RBFOX1: variants seen among roughly 807,000 people sequenced by gnomAD.
RBFOX1 encodes the protein RNA binding protein fox-1 homolog 1.
In RBFOX1, 8 loss-of-function variants were observed where a neutral mutation model predicts 57.7. The observed-to-expected ratio is 0.14, with a 90% CI of 0.08 to 0.25. The LOEUF (loss-of-function observed/expected upper bound fraction) is 0.25. Ranked by LOEUF, RBFOX1 falls within the 10% of genes least tolerant of loss-of-function variation. The probability of loss-of-function intolerance (pLI) is 1.00; values close to 1 mark genes in which losing one functional copy is unlikely to be tolerated. For missense variants in RBFOX1, 611 were observed against 548.5 expected (o/e 1.11, Z -1.14); for synonymous variants, 326 against 222.4 (o/e 1.47, Z -4.15).
At chr16:6,930,396 G>C (rs1225129694) in intron 3 of RBFOX1, among the ~76,000 whole-genome samples, 2 of 152,028 alleles carry the variant, frequency 1.3e-5, no homozygotes, top group Non-Finnish European at 2.9e-5. Context: ...ACACCCATCA[G>C]GATGGCTATT....
chr16:5,880,224 A>G (rs1218554750), intron 4 of RBFOX1, among the ~76,000 whole-genome samples: 3 of 152,058 alleles, frequency 2.0e-5, no homozygotes, highest in African/African-American at 7.2e-5. Context: ...GGCTCAAACT[A>G]TTTGTCAATG....
intron 4 of RBFOX1, among the ~76,000 whole-genome samples, chr16:7,233,367 C>T (rs997390707): frequency 3.3e-5 from 5 of 152,170 alleles, no homozygotes; most frequent in African/African-American, 7.2e-5. Context: ...ATGTTATTCA[C>T]GTGCTTCCAA....
At chr16:7,266,322 C>G (rs1166255163) in intron 4 of RBFOX1, among the ~76,000 whole-genome samples, 5 of 152,100 alleles carry the variant, frequency 3.3e-5, no homozygotes, top group Admixed American at 6.6e-5. Context: ...CCCCCACGCT[C>G]TCGCCCTCTT....
chr16:6,882,198 C>T (rs986657491), intron 3 of RBFOX1, among the ~76,000 whole-genome samples: 5 of 152,054 alleles, frequency 3.3e-5, no homozygotes, highest in Admixed American at 2.6e-4. Flanking sequence ...CCCCTTTGGT[C>T]CAGCAACACT....
At chr16:5,755,769 T>G (rs953009380) in intron 3 of RBFOX1, among the ~76,000 whole-genome samples, 2 of 152,122 alleles carry the variant, frequency 1.3e-5, no homozygotes, top group African/African-American at 4.8e-5. Flanking sequence ...CAGCTAATTT[T>G]TTGTATTTAG....
chr16:7,316,230 T>G (rs1323341997), intron 4 of RBFOX1, among the ~76,000 whole-genome samples: 2 of 152,246 alleles, frequency 1.3e-5, no homozygotes, highest in Non-Finnish European at 2.9e-5. Flanking sequence ...AGGCAGCAGT[T>G]ACTATATTAC....
intron 3 of RBFOX1, among the ~76,000 whole-genome samples, chr16:7,050,511 C>G (rs147665005): frequency 6.6e-6 from 1 of 152,196 alleles, no homozygotes; most frequent in African/African-American, 2.4e-5. Flanking sequence ...CATGATCCAC[C>G]CGCCTTGGCC....
At chr16:5,626,132 G>A (rs1417618015) in intron 3 of RBFOX1, among the ~76,000 whole-genome samples, 1 of 151,718 alleles carries the variant, frequency 6.6e-6, no homozygotes, top group Non-Finnish European at 1.5e-5. Context: ...TGCCCGCCTC[G>A]GCCTCCCAAA....
chr16:7,123,055 G>C (rs1032833184), intron 4 of RBFOX1, among the ~76,000 whole-genome samples: 2 of 152,074 alleles, frequency 1.3e-5, no homozygotes, highest in African/African-American at 4.8e-5. Context: ...GTTGGGGGGA[G>C]GGTAGTTGCA....
exon 3 of RBFOX1, chr16:5,600,095 C>G (rs1178864360): frequency 1.4e-5 from 2 of 148,090 alleles, no homozygotes; most frequent in Non-Finnish European, 3.0e-5. Flanking sequence ...CGAGGCCATC[C>G]TGGATAACAT....
At chr16:5,434,742 A>G (rs1219702569) in intron 1 of RBFOX1, among the ~76,000 whole-genome samples, 1 of 152,142 alleles carries the variant, frequency 6.6e-6, no homozygotes, top group Non-Finnish European at 1.5e-5. Flanking sequence ...CTTATTTGCA[A>G]TACCTTGTCC....
intron 2 of RBFOX1, among the ~76,000 whole-genome samples, chr16:6,510,800 G>A (rs2096240604): frequency 1.3e-5 from 2 of 151,824 alleles, no homozygotes; most frequent in Admixed American, 1.3e-4. Flanking sequence ...CTGGCGGACT[G>A]CTAAAGGTTT....
At chr16:6,021,112 C>G (rs1294007221) in intron 1 of RBFOX1, among the ~76,000 whole-genome samples, 1 of 152,220 alleles carries the variant, frequency 6.6e-6, no homozygotes, top group Non-Finnish European at 1.5e-5. Flanking sequence ...TTCAGTTGAA[C>G]TTGAAAAGAA....
In RBFOX1 at chr16:6,412,833, C is replaced by T. The variant is rs554594174; in HGVS notation, c.-64+95776C>T. 3.9e-5 allele frequency among the ~76,000 whole-genome samples: 6 copies of T among 152,310 alleles called. No homozygotes were observed. The South Asian group carries it at 1.2e-3, about 32-fold the overall frequency. ...CCGACATGCTTACACATCAGTCTTT[C>T]TGCTGTTCCAGAGTTACTGGAGCGT... On this transcript the variant is annotated intron_variant, in intron 2 of 15. Transcript: ENST00000550418.
At chr16:7,093,855 A>AT (rs1302866249) in intron 4 of RBFOX1, among the ~76,000 whole-genome samples, 1 of 151,788 alleles carries the variant, frequency 6.6e-6, no homozygotes, top group Non-Finnish European at 1.5e-5. Context: ...AGCCACATCC[A>AT]TTTTTTCCCA....
intron 1 of RBFOX1, among the ~76,000 whole-genome samples, chr16:5,353,691 T>G (rs907400640): frequency 6.7e-6 from 1 of 150,138 alleles, no homozygotes; most frequent in Non-Finnish European, 1.5e-5. Context: ...CACTTCCAGC[T>G]TGAAACCTAG....
chr16:5,503,433 C>G (rs1036097167), intron 2 of RBFOX1, among the ~76,000 whole-genome samples: 1 of 152,142 alleles, frequency 6.6e-6, no homozygotes, highest in African/African-American at 2.4e-5. Flanking sequence ...TGGTTTCTTT[C>G]TTTGTTTTGT....
At chr16:7,313,672 A>C (rs9940929) in intron 4 of RBFOX1, among the ~76,000 whole-genome samples, 134,300 of 152,042 alleles carry the variant, frequency 0.88, 59,588 homozygotes, top group East Asian at 0.99. Flanking sequence ...AAGCACACGA[A>C]TAAGCACTTT....
intron 3 of RBFOX1, among the ~76,000 whole-genome samples, chr16:6,769,232 G>C (rs1256499372): frequency 6.6e-6 from 1 of 152,112 alleles, no homozygotes; most frequent in East Asian, 1.9e-4. Flanking sequence ...CCCTGCACAA[G>C]TTCTTTCTTT....
Sources: allele counts gnomAD v4.1 joint callset (sites outside exome capture counted in the v4.1 genomes callset), GRCh38; gene constraint gnomAD v4.1.1; transcripts MANE v1.5; gene names NCBI Gene and HGNC (gene_info 2026-07-23, HGNC 2026-07-21).